The following FAM114A1 variants were observed in gnomAD, a reference collection of about 807,000 sequenced individuals.
FAM114A1 encodes the protein family with sequence similarity 114 member A1, also known as protein NOXP20.
In FAM114A1, 62 loss-of-function variants were observed where a neutral mutation model predicts 64.3. The observed-to-expected ratio is 0.96, with a 90% confidence interval of 0.79 to 1.19. The LOEUF (loss-of-function observed/expected upper bound fraction) is 1.19. FAM114A1 is among the 50% of genes most tolerant of loss of function. FAM114A1 has a pLI of 0.00. For synonymous variants in FAM114A1, 254 were observed against 251.1 expected (o/e 1.01, Z -0.11); for missense variants, 645 against 676.3 (o/e 0.95, Z 0.51).
At position 38,905,779 on chromosome 4, in the gene FAM114A1, G is replaced by A; in HGVS notation, c.575G>A (p.Gly192Asp). The A allele has an allele frequency of 6.2e-7, 1 of 1,613,872 alleles. No individual in the cohort carries two copies. The highest frequency in any genetic ancestry group is 2.2e-5 in the East Asian group (1 of 44,876). Residue 192 changes from glycine (G) to aspartate (D), a missense_variant, in exon 6 of 15, where the codon GGC (glycine) becomes GAC (aspartate). Coordinates refer to ENST00000358869, the MANE Select transcript of FAM114A1 (RefSeq NM_138389.4). ...GTAACAGATGCAGCCACAGATCAGGGCCCTGCAGAAAGCCCACCCACTTCC... is the reference window on the plus strand; with the variant it reads ...GTAACAGATGCAGCCACAGATCAGGACCCTGCAGAAAGCCCACCCACTTCC... ...PEITDAATDQ[G>D]PAESPPTSPS...
At chr4:38,922,289 T>C (rs950264518) in intron 8 of FAM114A1, among the ~76,000 whole-genome samples, 3 of 152,242 alleles carry the variant, frequency 2.0e-5, no homozygotes, top group African/African-American at 7.2e-5. Flanking sequence ...GTATTTTAAG[T>C]AGATTACTTC....
At chr4:38,932,136 G>A (rs1328335498) in intron 11 of FAM114A1, 99 bp from the exon 12 acceptor site, 1 of 1,306,648 alleles carries the variant, frequency 7.7e-7, no homozygotes, top group East Asian at 2.4e-5. Flanking sequence ...TATATTTGGG[G>A]TATTTTTGAA....
At chr4:38,920,201 G>A (rs956170604) in intron 8 of FAM114A1, among the ~76,000 whole-genome samples, 3 of 149,690 alleles carry the variant, frequency 2.0e-5, no homozygotes, top group Admixed American at 6.7e-5. Context: ...AATGAGACCC[G>A]TCTCAAAAAA....
intron 13 of FAM114A1, among the ~76,000 whole-genome samples, chr4:38,937,084 T>C (rs1050573019): frequency 6.6e-6 from 1 of 152,228 alleles, no homozygotes. Flanking sequence ...CTGTTTTTTC[T>C]CTTTAAAACA....
At chr4:38,920,566 G>T (rs1314781486) in intron 8 of FAM114A1, among the ~76,000 whole-genome samples, 1 of 152,148 alleles carries the variant, frequency 6.6e-6, no homozygotes, top group East Asian at 1.9e-4. Flanking sequence ...CCTTCCCAGG[G>T]GTGCCCCAAA....
At chr4:38,877,703 G>A (rs531791064) in intron 2 of FAM114A1, among the ~76,000 whole-genome samples, 5 of 152,258 alleles carry the variant, frequency 3.3e-5, no homozygotes, top group East Asian at 3.9e-4. Flanking sequence ...GGTGGCTCAC[G>A]CCTGTAATCC....
chr4:38,936,843 C>T (rs1244912936), intron 13 of FAM114A1, among the ~76,000 whole-genome samples: 1 of 152,202 alleles, frequency 6.6e-6, no homozygotes, highest in Admixed American at 6.5e-5. Flanking sequence ...AGCCACCGCG[C>T]CTGGCAGAGA....
intron 9 of FAM114A1, among the ~76,000 whole-genome samples, chr4:38,923,603 A>AT (rs990925398): frequency 6.6e-6 from 1 of 152,038 alleles, no homozygotes; most frequent in Non-Finnish European, 1.5e-5. Flanking sequence ...CTTTCCCTGA[A>AT]TTTTTTTGTA....
chr4:38,920,030 G>A (rs1386914980), intron 8 of FAM114A1, among the ~76,000 whole-genome samples: 5 of 152,094 alleles, frequency 3.3e-5, no homozygotes, highest in Admixed American at 6.6e-5. Flanking sequence ...CCAACATGGC[G>A]AAACCCTGTC....
At chr4:38,922,699 G>A (rs1719717345) in intron 8 of FAM114A1, 71 bp from the exon 9 acceptor site, 2 of 1,529,126 alleles carry the variant, frequency 1.3e-6, no homozygotes, top group South Asian at 1.3e-5. Context: ...GGAAAACTGG[G>A]GACCGCTGTG....
At chr4:38,897,930 A>T (rs2109636350) in intron 4 of FAM114A1, among the ~76,000 whole-genome samples, 1 of 151,938 alleles carries the variant, frequency 6.6e-6, no homozygotes, top group Admixed American at 6.6e-5. Flanking sequence ...TGGGCAACAG[A>T]ACAAGACTCT....
At chr4:38,890,994 A>G (rs1166235399) in intron 3 of FAM114A1, among the ~76,000 whole-genome samples, 1 of 152,176 alleles carries the variant, frequency 6.6e-6, no homozygotes, top group East Asian at 1.9e-4. Context: ...CCTTCTCTTA[A>G]TTCTTAGTCT....
intron 4 of FAM114A1, among the ~76,000 whole-genome samples, chr4:38,905,001 A>G (rs1473440616): frequency 6.6e-6 from 1 of 152,214 alleles, no homozygotes; most frequent in Non-Finnish European, 1.5e-5. Flanking sequence ...CAGAGAGGCT[A>G]GGTAACTTCT....
chr4:38,881,046 G>A (rs565843266), intron 3 of FAM114A1, among the ~76,000 whole-genome samples: 2 of 152,126 alleles, frequency 1.3e-5, no homozygotes, highest in African/African-American at 2.4e-5. Flanking sequence ...TTAGCCAGGT[G>A]TGGTGGTGCA....
chr4:38,919,673 C>T (rs957311078), intron 8 of FAM114A1, among the ~76,000 whole-genome samples: 1 of 152,176 alleles, frequency 6.6e-6, no homozygotes, highest in African/African-American at 2.4e-5. Context: ...TTCTGAGTCA[C>T]ATCAGCATAA....
At position 38,922,663 on chromosome 4, in the gene FAM114A1, C is replaced by A. The variant is rs1198435619; in HGVS notation, c.946-107C>A. 7.7e-6 allele frequency: 11 copies of A among 1,421,858 alleles called. No individual in the cohort carries two copies. The African/African-American group carries it at 1.6e-4, about 21-fold the overall frequency. The allele number at this position is 1,421,858 out of a possible 1,614,324, so 88.1% of individuals were successfully genotyped here. Reference sequence around the variant, plus strand: ...CCAACATTCAACCCAGCGATACCTCCCACACCATGAATCACTTTTGTCCTG... The same window carrying A: ...CCAACATTCAACCCAGCGATACCTCACACACCATGAATCACTTTTGTCCTG... On this transcript the variant is annotated intron_variant, in intron 8 of 14. Coordinates refer to ENST00000358869, the MANE Select transcript of FAM114A1 (RefSeq NM_138389.4).
At chr4:38,922,035 T>C (rs1360724404) in intron 8 of FAM114A1, among the ~76,000 whole-genome samples, 1 of 152,046 alleles carries the variant, frequency 6.6e-6, no homozygotes, top group Non-Finnish European at 1.5e-5. Context: ...TCCGACTCCC[T>C]GGCTCAAGGG....
At position 38,941,083 on chromosome 4, in the gene FAM114A1, T is replaced by TA. The variant is rs1398845495; in HGVS notation, c.1590+62_1590+63insA. On this transcript the variant is annotated intron_variant, in intron 14 of 14. Transcript: ENST00000358869. ...AAGTAAATGTTAGAACTACTTTTTT[T>TA]TTTTTTTGCCTTTCTTCCCCCACAG... 2.0e-5 allele frequency: 31 copies of TA among 1,520,138 alleles called. No individual in the cohort carries two copies. The East Asian group carries it at 7.0e-4, about 34-fold the overall frequency. The allele number at this position is 1,520,138 out of a possible 1,614,324, so 94.2% of individuals were successfully genotyped here.
At chr4:38,876,865 T>C (rs1189086387) in intron 2 of FAM114A1, among the ~76,000 whole-genome samples, 1 of 152,252 alleles carries the variant, frequency 6.6e-6, no homozygotes. Flanking sequence ...CCTTTATCTT[T>C]GAAGTGCGTC....
Sources: allele counts gnomAD v4.1 joint callset (sites outside exome capture counted in the v4.1 genomes callset), GRCh38; gene constraint gnomAD v4.1.1; transcripts MANE v1.5; gene names NCBI Gene and HGNC (gene_info 2026-07-23, HGNC 2026-07-21).